The following MBD6 variants were observed in gnomAD, a reference collection of about 807,000 sequenced individuals.
MBD6 encodes methyl-CpG-binding domain protein 6.
In MBD6, 22 loss-of-function variants were observed where a neutral mutation model predicts 66.8. That is an observed-to-expected ratio of 0.33 (90% CI 0.24 to 0.47). The LOEUF is 0.47. Ranked by LOEUF, MBD6 falls within the 20% of genes least tolerant of loss-of-function variation. The pLI, the probability that MBD6 is intolerant of heterozygous loss-of-function variation, is 1.00. For missense variants in MBD6, 1,322 were observed against 1,286.9 expected (o/e 1.03, Z -0.42); for synonymous variants, 540 against 534.6 (o/e 1.01, Z -0.14).
At position 57,528,386 on chromosome 12, in the gene MBD6, C is replaced by G. The variant is rs772465552; in HGVS notation, c.2646C>G (p.Ser882Arg). 6.2e-7 allele frequency: 1 copy of G among 1,612,778 alleles called. No homozygotes were observed. The highest frequency in any genetic ancestry group is 1.7e-5 in the Admixed American group (1 of 60,026). ...ARPARGRKPG[S>R]RREPGRLALK... ...CAGCCCGGGGCCGAAAGCCTGGCAG[C>G]CGGCGGGAGCCTGGCCGACTGGCCC... is the stretch of plus-strand genomic sequence containing the variant. Residue 882 changes from serine to arginine, a missense_variant, in exon 10 of 13, where the codon AGC (serine) becomes AGG (arginine). Coordinates refer to ENST00000355673, the MANE Select transcript of MBD6 (RefSeq NM_052897.4).
At position 57,525,058 on chromosome 12, in the gene MBD6, G is replaced by A; in HGVS notation, c.322G>A (p.Val108Ile). 1 of 1,613,460 alleles carries A rather than the reference G, an allele frequency of 6.2e-7. No individual in the cohort carries two copies. Among genetic ancestry groups the A allele is most frequent in the Non-Finnish European group, 8.5e-7 (1 of 1,179,822 alleles). Residue 108 changes from valine (V) to isoleucine (I), a missense_variant, in exon 5 of 13, where the codon GTT becomes ATT. Val to Ile is a conservative substitution (Grantham distance 29, BLOSUM62 3). Coordinates refer to ENST00000355673, the MANE Select transcript of MBD6 (RefSeq NM_052897.4). ...TKLCNHRRKA[V>I]AMATLYRSME... ...GCTGTGCAACCACCGGCGGAAAGCT[G>A]TTGCTATGGCAACTCTGTACCGCAG...
Position 57,528,143 on chromosome 12 carries a change from G to T in MBD6, c.2407-4G>T. On this transcript the variant is annotated splice_polypyrimidine_tract_variant and splice_region_variant and intron_variant, in intron 9 of 12. Coordinates refer to ENST00000355673, the MANE Select transcript of MBD6 (RefSeq NM_052897.4). The stretch of plus-strand genomic sequence containing the variant: ...TGACTGAGAACTTATTTTTTTGCCA[G>T]CAGATCCCTCCAGAGCAGCCAGAAG... 1 of 1,581,854 alleles carries T rather than the reference G, an allele frequency of 6.3e-7. No homozygotes were observed.
At position 57,526,905 on chromosome 12, in the gene MBD6, T is replaced by C. The variant is rs199958229; in HGVS notation, c.1760T>C (p.Leu587Pro). Residue 587 changes from leucine (L) to proline (P), a missense_variant, in exon 7 of 13, where the codon CTA becomes CCA. Coordinates refer to ENST00000355673, the MANE Select transcript of MBD6 (RefSeq NM_052897.4). ...CCACCAGGAGGACCTGGTCCTCCCCTAGCCCCAGGAGAGCCTGAAGGGCCT... is the reference window on the plus strand; with the variant it reads ...CCACCAGGAGGACCTGGTCCTCCCCCAGCCCCAGGAGAGCCTGAAGGGCCT... ...LPPPGGPGPP[L>P]APGEPEGPSL... 2.2e-5 allele frequency: 35 copies of C among 1,610,046 alleles called. No homozygotes were observed. The African/African-American group carries it at 3.4e-4, about 15-fold the overall frequency.
Position 57,525,332 on chromosome 12 carries a change from T to G in MBD6, c.380-16T>G, listed in dbSNP as rs764211780. 6 of 1,561,222 alleles carry G rather than the reference T, an allele frequency of 3.8e-6. No individual in the cohort carries two copies. The highest frequency in any genetic ancestry group is 1.7e-6 in the Non-Finnish European group (2 of 1,160,118). On this transcript the variant is annotated splice_polypyrimidine_tract_variant and intron_variant, in intron 5 of 12. Coordinates refer to ENST00000355673, the MANE Select transcript of MBD6 (RefSeq NM_052897.4). ...GGGGAGCCACAGGCTGACCCTTCATTTTTCATTTATTGCAGGAGAGGGAGC... is the reference window on the plus strand; with the variant it reads ...GGGGAGCCACAGGCTGACCCTTCATGTTTCATTTATTGCAGGAGAGGGAGC...
Position 57,526,846 on chromosome 12 carries a change from A to T in MBD6, c.1701A>T (p.Gly567=). ...GTTTATTTGGTGTGCTGACTGGGGG[A>T]GGAGGACAACCTCCCCCTGAGCCCC... ...NHSLFGVLTG[G]GGQPPPEPLL... Residue 567 remains glycine (G), a synonymous_variant, in exon 7 of 13, where the codon GGA becomes GGT. Transcript: ENST00000355673. 1.2e-6 allele frequency: 2 copies of T among 1,613,210 alleles called. No individual in the cohort carries two copies. Among genetic ancestry groups the T allele is most frequent in the Non-Finnish European group, 1.7e-6 (2 of 1,179,638 alleles).
chr12:57,525,844 A>G lies in MBD6; in HGVS notation c.876A>G (p.Ser292=). 2 of 1,595,348 alleles carry G rather than the reference A, an allele frequency of 1.3e-6. No individual in the cohort carries two copies. Among genetic ancestry groups the G allele is most frequent in the Non-Finnish European group, 1.7e-6 (2 of 1,176,914 alleles). The change falls in exon 6 of 13, where the codon TCA becomes TCG. Residue 292 remains serine (S), a synonymous_variant. Transcript: ENST00000355673. The part of the protein sequence containing the change: ...PGPASQPPVS[S]ATMHLPLVLG... ...CTGCCTCTCAGCCACCAGTGTCTTC[A>G]GCCACTATGCACCTGCCCCTGGTCC...
Position 57,526,037 on chromosome 12 carries a change from T to C in MBD6, c.1069T>C (p.Ser357Pro). 6.2e-7 allele frequency: 1 copy of C among 1,611,442 alleles called. No individual in the cohort carries two copies. Residue 357 changes from serine (S) to proline (P), a missense_variant, in exon 6 of 13, where the codon TCA becomes CCA. Ser to Pro is a moderately conservative substitution (Grantham distance 74, BLOSUM62 -1). Coordinates refer to ENST00000355673, the MANE Select transcript of MBD6 (RefSeq NM_052897.4). Reference protein sequence around the residue: ...RAQAPSASHSSSLRPSQRRPR... With the variant: ...RAQAPSASHSPSLRPSQRRPR... ...CCAGGCACCCTCAGCTTCCCACTCC[T>C]CATCACTTCGTCCCTCTCAGCGTCG...
chr12:57,527,023 G>A lies in MBD6; in HGVS notation c.1878G>A (p.Leu626=), dbSNP rs2140088665. 1.2e-6 allele frequency: 2 copies of A among 1,612,768 alleles called. No homozygotes were observed. The highest frequency in any genetic ancestry group is 1.7e-6 in the Non-Finnish European group (2 of 1,179,258). ...APPSNLLASF[L]PLLALGPTAG... is the part of the protein sequence containing the mutation. ...CCAGCAACCTCCTTGCCTCTTTCCT[G>A]CCCCTGTTGGCTCTGGGCCCCACAG... The change falls in exon 7 of 13, where the codon CTG becomes CTA. Residue 626 remains leucine, a synonymous_variant. Transcript: ENST00000355673.
At position 57,524,981 on chromosome 12, in the gene MBD6, T is replaced by G. The variant is rs775037479; in HGVS notation, c.245T>G (p.Val82Gly). Reference protein sequence around the residue: ...KVFNFDPLAPVTPGGAGVGPA... With the variant: ...KVFNFDPLAPGTPGGAGVGPA... ...TTCAACTTTGACCCTTTGGCCCCGGTGACCCCGGGTGGGGCTGGGGTGGGG... is the reference window on the plus strand; with the variant it reads ...TTCAACTTTGACCCTTTGGCCCCGGGGACCCCGGGTGGGGCTGGGGTGGGG... The change falls in exon 5 of 13, where the codon GTG (valine) becomes GGG (glycine). Residue 82 changes from valine (V) to glycine (G), a missense_variant. By Grantham distance (109) the Val-to-Gly change is moderately radical. Transcript: ENST00000355673. 4 of 1,605,008 alleles carry G rather than the reference T, an allele frequency of 2.5e-6. No individual in the cohort carries two copies. In the African/African-American group the frequency reaches 4.0e-5, roughly 16 times the overall value.
chr12:57,529,450 G>A lies in MBD6; in HGVS notation c.*216G>A. On this transcript the variant is annotated 3_prime_UTR_variant, in exon 13 of 13. Transcript: ENST00000355673. Reference sequence around the variant, plus strand: ...CCCACCACCCCCCCGCCCCCCCGAAGCCATGTCACTGAAAAGGCCTGGGGG... The same window carrying A: ...CCCACCACCCCCCCGCCCCCCCGAAACCATGTCACTGAAAAGGCCTGGGGG... The A allele has an allele frequency of 2.2e-6, 1 of 454,148 alleles. No individual in the cohort carries two copies. The highest frequency in any genetic ancestry group is 2.3e-5 in the South Asian group (1 of 43,146). The allele number at this position is 454,148 out of a possible 1,614,324, so 28.1% of individuals were successfully genotyped here.
chr12:57,523,572 A>T (rs1419032151), intron 1 of MBD6, among the ~76,000 whole-genome samples: 1 of 152,192 alleles, frequency 6.6e-6, no homozygotes, highest in Non-Finnish European at 1.5e-5. Context: ...CTGATGGAGC[A>T]GGCATGGGGG....
rs1208663295 is a variant in MBD6, at chr12:57,525,602, C to T, written c.634C>T (p.Pro212Ser). 6.2e-7 allele frequency: 1 copy of T among 1,612,890 alleles called. No homozygotes were observed. The highest frequency in any genetic ancestry group is 8.5e-7 in the Non-Finnish European group (1 of 1,179,390). ...CCTCCCAAGGGGCAATGCCCCCTCTCCAGCCCCACCTCCTCCACCTGCTAT... is the reference window on the plus strand; with the variant it reads ...CCTCCCAAGGGGCAATGCCCCCTCTTCAGCCCCACCTCCTCCACCTGCTAT... ...RFLPRGNAPS[P>S]APPPPPAISL... is the part of the protein sequence containing the mutation. Residue 212 changes from proline (P) to serine (S), a missense_variant, in exon 6 of 13, where the codon CCA becomes TCA. Transcript: ENST00000355673.
chr12:57,524,888 C>T (rs1419718740), intron 4 of MBD6, 65 bp from the exon 5 acceptor site: 1 of 1,609,136 alleles, frequency 6.2e-7, no homozygotes, highest in Non-Finnish European at 8.5e-7. Context: ...AAATCACTGA[C>T]TGAGGTAGCC....
chr12:57,528,397 C>T lies in MBD6; in HGVS notation c.2657C>T (p.Pro886Leu), dbSNP rs1211420627. Reference sequence around the variant, plus strand: ...CGAAAGCCTGGCAGCCGGCGGGAGCCTGGCCGACTGGCCCTCAAATGGGGG... The same window carrying T: ...CGAAAGCCTGGCAGCCGGCGGGAGCTTGGCCGACTGGCCCTCAAATGGGGG... The part of the protein sequence containing the change: ...RGRKPGSRRE[P>L]GRLALKWGTR... Residue 886 changes from proline to leucine, a missense_variant, in exon 10 of 13, where the codon CCT becomes CTT. Physicochemically the swap from Pro to Leu is moderately conservative, Grantham distance 98 (BLOSUM62 -3). Transcript: ENST00000355673. 1.9e-6 allele frequency: 3 copies of T among 1,612,972 alleles called. No homozygotes were observed. The highest frequency in any genetic ancestry group is 2.5e-6 in the Non-Finnish European group (3 of 1,179,894).
Position 57,527,995 on chromosome 12 carries a change from C to G in MBD6, c.2384C>G (p.Ala795Gly), listed in dbSNP as rs1447975520. The change falls in exon 9 of 13, where the codon GCC becomes GGC. Residue 795 changes from alanine (A) to glycine (G), a missense_variant. By Grantham distance (60) the Ala-to-Gly change is moderately conservative (BLOSUM62 0). Coordinates refer to ENST00000355673, the MANE Select transcript of MBD6 (RefSeq NM_052897.4). ...PPLSEASSPL[A>G]CLLQSLQIPP... is the part of the protein sequence containing the mutation. ...CTCTCAGAGGCTTCTAGTCCCCTAG[C>G]CTGCCTGCTACAGAGTCTCCAGGTG... 6 of 1,549,080 alleles carry G rather than the reference C, an allele frequency of 3.9e-6. No individual in the cohort carries two copies. The highest frequency in any genetic ancestry group is 1.4e-5 in the African/African-American group (1 of 72,198).
At chr12:57,527,727 T>C in intron 8 of MBD6, 67 bp downstream of exon 8, 1 of 1,556,502 alleles carries the variant, frequency 6.4e-7, no homozygotes, top group Non-Finnish European at 8.7e-7. Flanking sequence ...TTGGGAGTAG[T>C]GGCTGAATAA....
rs773002808 is a variant in MBD6, at chr12:57,529,008, G to A, written c.2936G>A (p.Arg979Gln). Residue 979 changes from arginine to glutamine, a missense_variant and splice_region_variant, in exon 12 of 13, where the codon CGA (arginine) becomes CAA (glutamine). Transcript: ENST00000355673. ...ACCTTGGAACCCAGCCCTACAGCCC[G>A]AGTAAGTGTGTGTTTGGGTGGATGG... ...DITLEPSPTA[R>Q]AAVPLPPRAR... 1.7e-5 allele frequency: 28 copies of A among 1,613,940 alleles called. No homozygotes were observed. The highest frequency in any genetic ancestry group is 8.0e-5 in the African/African-American group (6 of 74,884).
Position 57,528,320 on chromosome 12 carries a change from GGGA to G in MBD6, c.2586_2588del (p.Gly864del). On this transcript the variant is annotated inframe_deletion, in exon 10 of 13. Coordinates refer to ENST00000355673, the MANE Select transcript of MBD6 (RefSeq NM_052897.4). ...GGGGGTCAGGGAAACGGGGCCGGAG[GGGA>G]GGAGGGGGACTTAGGGGCATTAATG... 1.2e-6 allele frequency: 2 copies of G among 1,608,684 alleles called. No homozygotes were observed. Among genetic ancestry groups the G allele is most frequent in the Non-Finnish European group, 1.7e-6 (2 of 1,177,352 alleles).
rs1314874185 is a variant in MBD6, at chr12:57,524,947, T to G, written c.217-6T>G. The G allele has an allele frequency of 6.2e-7, 1 of 1,600,782 alleles. No homozygotes were observed. Among genetic ancestry groups the G allele is most frequent in the Non-Finnish European group, 8.5e-7 (1 of 1,171,622 alleles). ...AGGGTCCCTGTCCTTGCTTTCCACC[T>G]TACAGGTTTTCAACTTTGACCCTTT... On this transcript the variant is annotated splice_region_variant and splice_polypyrimidine_tract_variant and intron_variant, in intron 4 of 12. Transcript: ENST00000355673.
Sources: gnomAD v4.1 joint callset for allele counts (sites outside exome capture counted in the v4.1 genomes callset) on GRCh38, gnomAD v4.1.1 for gene constraint, MANE v1.5 for transcripts, NCBI Gene and HGNC (gene_info 2026-07-23, HGNC 2026-07-21) for gene names.